Variants in DISP2 observed in about 807,000 individuals in gnomAD.
The protein encoded by DISP2 is dispatched RND transporter family member 2.
In DISP2, 59 loss-of-function variants were observed where a neutral mutation model predicts 95.5. That is an observed-to-expected ratio of 0.62 (90% CI 0.50 to 0.77). DISP2 has a LOEUF of 0.77. Ranked by LOEUF, DISP2 falls within the 30% of genes least tolerant of loss-of-function variation. The pLI is 0.00. For synonymous variants in DISP2, 827 were observed against 815.0 expected (o/e 1.01, Z -0.25); for missense variants, 1,752 against 1,854.6 (o/e 0.94, Z 1.02).
Position 40,363,529 on chromosome 15 carries a change from C to T in DISP2, c.120-96C>T, listed in dbSNP as rs867863142. On this transcript the variant is annotated intron_variant, in intron 1 of 7. Transcript: ENST00000267889. Reference sequence around the variant, plus strand: ...TAATAAATCAACCCTGAGTCCCTGTCCCCTTGTCTTGTCTTACTGAACTGA... The same window carrying T: ...TAATAAATCAACCCTGAGTCCCTGTTCCCTTGTCTTGTCTTACTGAACTGA... 1.2e-5 allele frequency: 11 copies of T among 901,364 alleles called. No individual in the cohort carries two copies. In the Middle Eastern group the frequency reaches 1.4e-3, roughly 112 times the overall value. The allele number at this position is 901,364 out of a possible 1,614,324, so 55.8% of individuals were successfully genotyped here.
intron 1 of DISP2, among the ~76,000 whole-genome samples, chr15:40,359,230 CCTCTGACATGA>C (rs1426936617): frequency 6.6e-6 from 1 of 152,234 alleles, no homozygotes; most frequent in African/African-American, 2.4e-5. Flanking sequence ...CAGAATCCCT[CCTCTGACATGA>C]CACTGCCTCT....
chr15:40,364,428 C>A lies in DISP2; in HGVS notation c.487C>A (p.Gln163Lys), dbSNP rs1345943326. 6.2e-7 allele frequency: 1 copy of A among 1,613,882 alleles called. No individual in the cohort carries two copies. Reference protein sequence around the residue: ...RAFQMPKSYSQLIAEWPVAVL... With the variant: ...RAFQMPKSYSKLIAEWPVAVL... ...CTCCTCCCTCTTTCCCAGCTATTCC[C>A]AGCTGATTGCTGAGTGGCCAGTGGC... Residue 163 changes from glutamine (Q) to lysine (K), a missense_variant, in exon 4 of 8, where the codon CAG becomes AAG. This residue lies in a region of DISP2 where 342 missense variants were observed against 364.3 expected (regional missense o/e 0.94). Transcript: ENST00000267889.
chr15:40,365,498 C>A (rs1016020519), intron 6 of DISP2, 130 bp from the exon 7 acceptor site: 3 of 1,280,740 alleles, frequency 2.3e-6, no homozygotes, highest in Admixed American at 3.5e-5. Flanking sequence ...CAGGATCAGG[C>A]AGTCCATGCA....
At chr15:40,358,760 G>A (rs1430424984) in intron 1 of DISP2, among the ~76,000 whole-genome samples, 2 of 152,098 alleles carry the variant, frequency 1.3e-5, no homozygotes, top group African/African-American at 4.8e-5. Flanking sequence ...CCCTGCCCCT[G>A]CGTCTTCTCC....
intron 6 of DISP2, 72 bp downstream of exon 6, chr15:40,365,346 A>G: frequency 6.4e-7 from 1 of 1,567,252 alleles, no homozygotes; most frequent in Non-Finnish European, 8.6e-7. Context: ...AGGCAGGCCC[A>G]GAACAAATCT....
At position 40,368,878 on chromosome 15, in the gene DISP2, C is replaced by G. The variant is rs575959248; in HGVS notation, c.2766C>G (p.Leu922=). ...GTCCGGACTACAACCAGACCCAGCT[C>G]TTCTACAATGAGGTCAGCCACTGGC... ...RNSPDYNQTQ[L]FYNEVSHWLA... is the part of the protein sequence containing the mutation. Residue 922 remains leucine, a synonymous_variant, in exon 8 of 8, where the codon CTC becomes CTG. Coordinates refer to ENST00000267889, the MANE Select transcript of DISP2 (RefSeq NM_033510.3). The G allele has an allele frequency of 3.7e-6, 6 of 1,614,058 alleles. No individual in the cohort carries two copies. The South Asian group carries it at 5.5e-5, about 15-fold the overall frequency.
rs1898882 is a variant in DISP2 at position 40,363,672 on chromosome 15, G to C, written c.167G>C (p.Cys56Ser). 763,930 of 1,583,444 alleles carry C rather than the reference G, an allele frequency of 0.48. 190,708 individuals are homozygous for C. The highest frequency in any genetic ancestry group is 0.84 in the East Asian group (37,433 of 44,554). The stretch of plus-strand genomic sequence containing the variant: ...CCTGAGGCAAGCCCAGAGAGAAGCT[G>C]CTCCCTCCACAGCTGCCCCCTGGAG... Reference protein sequence around the residue: ...VPPEASPERSCSLHSCPLEDP... With the variant: ...VPPEASPERSSSLHSCPLEDP... Residue 56 changes from cysteine to serine, a missense_variant, in exon 2 of 8, where the codon TGC (cysteine) becomes TCC (serine). Cys to Ser is a moderately radical substitution (Grantham distance 112). Transcript: ENST00000267889.
rs143063914 is a variant in DISP2, at chr15:40,363,904, C to A, written c.399C>A (p.Arg133=). The A allele has an allele frequency of 6.4e-7, 1 of 1,565,052 alleles. No individual in the cohort carries two copies. The highest frequency in any genetic ancestry group is 8.7e-7 in the Non-Finnish European group (1 of 1,153,244). The stretch of plus-strand genomic sequence containing the variant: ...GCCCTTCTCCAGCCCCCTCACAGCG[C>A]GATGGGACCTGGAAGCCACCCGCTG... ...SLSPSPAPSQ[R]DGTWKPPAVQ... is the part of the protein sequence containing the mutation. Residue 133 remains arginine, a synonymous_variant, in exon 2 of 8, where the codon CGC becomes CGA. Coordinates refer to ENST00000267889, the MANE Select transcript of DISP2 (RefSeq NM_033510.3).
At position 40,368,920 on chromosome 15, in the gene DISP2, C is replaced by T; in HGVS notation, c.2808C>T (p.Gly936=). The change falls in exon 8 of 8, where the codon GGC becomes GGT. Residue 936 remains glycine, a synonymous_variant. Transcript: ENST00000267889. The stretch of plus-strand genomic sequence containing the variant: ...GCCACTGGCTGGCAGCGGAGCTGGG[C>T]ATGGCACCTCCAGGCCTCCGCCGTG... ...EVSHWLAAEL[G]MAPPGLRRGW... is the part of the protein sequence containing the mutation. 1 of 1,613,898 alleles carries T rather than the reference C, an allele frequency of 6.2e-7. No homozygotes were observed. The highest frequency in any genetic ancestry group is 8.5e-7 in the Non-Finnish European group (1 of 1,180,044).
At position 40,371,782 on chromosome 15, in the gene DISP2, A is replaced by T. The variant is rs1889649672; in HGVS notation, c.*1464A>T. 1 of 152,216 alleles carries T rather than the reference A, an allele frequency of 6.6e-6. No individual in the cohort carries two copies. The highest frequency in any genetic ancestry group is 2.1e-4 in the South Asian group (1 of 4,828). 9.4% of individuals were successfully genotyped at this position (152,216 alleles called of 1,614,324 possible). A position where few individuals can be genotyped will look rare whatever the true frequency, so the allele number is the denominator to read the frequency against. On this transcript the variant is annotated 3_prime_UTR_variant, in exon 8 of 8. Transcript: ENST00000267889. ...ATTGAACACCTACTTTGCATATGGT[A>T]TTACAAGGGGACAGAGGTGTGGAAG...
At chr15:40,359,637 A>G (rs1007177) in intron 1 of DISP2, among the ~76,000 whole-genome samples, 105,107 of 152,160 alleles carry the variant, frequency 0.69, 36,575 homozygotes, top group East Asian at 0.85. Context: ...AGGATCAGCC[A>G]TGTCCAGTCT....
chr15:40,369,819 C>T lies in DISP2; in HGVS notation c.3707C>T (p.Pro1236Leu), dbSNP rs1276403596. 1 of 1,588,168 alleles carries T rather than the reference C, an allele frequency of 6.3e-7. No homozygotes were observed. Among genetic ancestry groups the T allele is most frequent in the Admixed American group, 1.7e-5 (1 of 58,762 alleles). The change falls in exon 8 of 8, where the codon CCC (proline) becomes CTC (leucine). Residue 1236 changes from proline (P) to leucine (L), a missense_variant. Physicochemically the swap from Pro to Leu is moderately conservative, Grantham distance 98. This residue lies in a region of DISP2 where 347 missense variants were observed against 344.2 expected (regional missense o/e 1.01). Coordinates refer to ENST00000267889, the MANE Select transcript of DISP2 (RefSeq NM_033510.3). The stretch of plus-strand genomic sequence containing the variant: ...TGCCCTGCCCTGCAGACCTCCTCCC[C>T]CTATAAGCAGGCTGGCCCCAGCCCC... ...SQCPALQTSSPYKQAGPSPKT... is the reference protein window; with the variant it reads ...SQCPALQTSSLYKQAGPSPKT...
Position 40,358,448 on chromosome 15 carries a change from G to A in DISP2, c.119+8G>A, listed in dbSNP as rs1435680539. On this transcript the variant is annotated splice_region_variant and intron_variant, in intron 1 of 7. Coordinates refer to ENST00000267889, the MANE Select transcript of DISP2 (RefSeq NM_033510.3). ...CGGCGGCTCCCCGGACAGGTAGGGC[G>A]GACAGCTCCGCAGATCCGTATCACA... The A allele has an allele frequency of 1.5e-6, 2 of 1,304,694 alleles. No individual in the cohort carries two copies. Among genetic ancestry groups the A allele is most frequent in the Non-Finnish European group, 1.9e-6 (2 of 1,025,660 alleles). 80.8% of individuals were successfully genotyped at this position (1,304,694 alleles called of 1,614,324 possible).
At position 40,373,334 on chromosome 15, in the gene DISP2, G is replaced by A. The variant is rs1889676500; in HGVS notation, c.*3016G>A. The A allele has an allele frequency of 6.6e-6, 1 of 152,202 alleles. No homozygotes were observed. The highest frequency in any genetic ancestry group is 2.4e-5 in the African/African-American group (1 of 41,444). 9.4% of individuals were successfully genotyped at this position (152,202 alleles called of 1,614,324 possible). A position where few individuals can be genotyped will look rare whatever the true frequency, so the allele number is the denominator to read the frequency against. On this transcript the variant is annotated 3_prime_UTR_variant, in exon 8 of 8. Coordinates refer to ENST00000267889, the MANE Select transcript of DISP2 (RefSeq NM_033510.3). ...AACTACATTAACATTTGGAACTTGA[G>A]GTCATTTCCCCTATTTGTGCCACTG...
At chr15:40,362,393 G>A (rs1006684094) in intron 1 of DISP2, among the ~76,000 whole-genome samples, 1 of 152,234 alleles carries the variant, frequency 6.6e-6, no homozygotes, top group African/African-American at 2.4e-5. Flanking sequence ...TGAGTGCCTA[G>A]AAGGCAAGGA....
chr15:40,370,427 G>C lies in DISP2; in HGVS notation c.*109G>C. On this transcript the variant is annotated 3_prime_UTR_variant, in exon 8 of 8. Coordinates refer to ENST00000267889, the MANE Select transcript of DISP2 (RefSeq NM_033510.3). ...TATTTCTCCAGATCCACAGGGAGAGGTCTCACCCTCCAGCTGTGGATGTTA... is the reference window on the plus strand; with the variant it reads ...TATTTCTCCAGATCCACAGGGAGAGCTCTCACCCTCCAGCTGTGGATGTTA... 6 of 1,450,786 alleles carry C rather than the reference G, an allele frequency of 4.1e-6. No homozygotes were observed. The highest frequency in any genetic ancestry group is 5.5e-6 in the Non-Finnish European group (6 of 1,092,250). 89.9% of individuals were successfully genotyped at this position (1,450,786 alleles called of 1,614,324 possible).
chr15:40,358,987 T>A (rs953143855), intron 1 of DISP2, among the ~76,000 whole-genome samples: 13 of 152,334 alleles, frequency 8.5e-5, no homozygotes, highest in Non-Finnish European at 1.5e-4. Flanking sequence ...TCCCTGCATG[T>A]GGCAGCCACA....
chr15:40,375,614 A>G lies in DISP2; in HGVS notation c.*5296A>G, dbSNP rs12911691. The G allele has an allele frequency of 0.77, 116,756 of 151,504 alleles. 45,886 individuals are homozygous for G. The highest frequency in any genetic ancestry group is 0.91 in the African/African-American group (37,517 of 41,178). 9.4% of individuals were successfully genotyped at this position (151,504 alleles called of 1,614,324 possible). A position where few individuals can be genotyped will look rare whatever the true frequency, so the allele number is the denominator to read the frequency against. ...TCCTCACCTTCAAGGCACCAAAGCC[A>G]CAACTTACCTACCCCCGCTCCTGCC... On this transcript the variant is annotated 3_prime_UTR_variant, in exon 8 of 8. Transcript: ENST00000267889.
rs1262355347 is a variant in DISP2 at position 40,371,770 on chromosome 15, T to G, written c.*1452T>G. On this transcript the variant is annotated 3_prime_UTR_variant, in exon 8 of 8. Coordinates refer to ENST00000267889, the MANE Select transcript of DISP2 (RefSeq NM_033510.3). Reference sequence around the variant, plus strand: ...ATCAACATGTTTATTGAACACCTACTTTGCATATGGTATTACAAGGGGACA... The same window carrying G: ...ATCAACATGTTTATTGAACACCTACGTTGCATATGGTATTACAAGGGGACA... The G allele has an allele frequency of 6.6e-6, 1 of 152,186 alleles. No individual in the cohort carries two copies. The highest frequency in any genetic ancestry group is 1.5e-5 in the Non-Finnish European group (1 of 68,032). The allele number at this position is 152,186 out of a possible 1,614,324, so 9.4% of individuals were successfully genotyped here. A position where few individuals can be genotyped will look rare whatever the true frequency, so the allele number is the denominator to read the frequency against.
Sources: allele counts gnomAD v4.1 joint callset (sites outside exome capture counted in the v4.1 genomes callset), GRCh38; gene constraint gnomAD v4.1.1; regional missense constraint gnomAD v4.1.1; transcripts MANE v1.5; gene names NCBI Gene and HGNC (gene_info 2026-07-23, HGNC 2026-07-21).